The following ADARB2 variants were observed in gnomAD, a reference collection of about 807,000 sequenced individuals.
The protein encoded by ADARB2 is inactive double-stranded RNA-specific editase B2.
A neutral mutation model predicts 62.2 loss-of-function variants in ADARB2; 25 were observed. That is an observed-to-expected ratio of 0.40 (90% CI 0.29 to 0.56). The LOEUF is 0.56. ADARB2 is among the 20% of genes least tolerant of loss of function. The probability of loss-of-function intolerance (pLI) is 0.43; values close to 1 mark genes in which losing one functional copy is unlikely to be tolerated. For synonymous variants in ADARB2, 572 were observed against 500.8 expected, an observed-to-expected ratio of 1.14 and a Z score of -1.90; for missense variants, 1,071 against 1,077.4, an observed-to-expected ratio of 0.99 and a Z score of 0.08.
At chr10:1,483,091 T>C (rs565020556) in intron 1 of ADARB2, among the ~76,000 whole-genome samples, 2 of 152,226 alleles carry the variant, frequency 1.3e-5, no homozygotes, top group Non-Finnish European at 2.9e-5. Flanking sequence ...AATGTTCCTG[T>C]ACACTGTGTT....
At chr10:1,504,220 C>T (rs562998006) in intron 1 of ADARB2, among the ~76,000 whole-genome samples, 15 of 152,300 alleles carry the variant, frequency 9.8e-5, no homozygotes, top group African/African-American at 3.4e-4. Context: ...ACACGGAGCC[C>T]ATCGCTTCCA....
intron 1 of ADARB2, among the ~76,000 whole-genome samples, chr10:1,584,355 A>C (rs1203636199): frequency 1.9e-5 from 1 of 51,554 alleles, no homozygotes; most frequent in South Asian, 7.2e-4. Flanking sequence ...CCCGTATCAT[A>C]TGTCACTAGA....
chr10:1,707,341 C>T (rs1564200678), intron 1 of ADARB2, among the ~76,000 whole-genome samples: 6 of 152,246 alleles, frequency 3.9e-5, no homozygotes, highest in Admixed American at 2.0e-4. Flanking sequence ...GGCTTCAAAT[C>T]CTCATGCACC....
chr10:1,468,441 C>G (rs1024752761), intron 1 of ADARB2, among the ~76,000 whole-genome samples: 1 of 152,184 alleles, frequency 6.6e-6, no homozygotes, highest in African/African-American at 2.4e-5. Context: ...TAGTGTGGCC[C>G]AAGATGCGCT....
In ADARB2 at chr10:1,179,995, G is replaced by A. The variant is rs188846984; in HGVS notation, c.*3198C>T. The A allele has an allele frequency of 6.6e-6, 1 of 152,114 alleles. No homozygotes were observed. Among genetic ancestry groups the A allele is most frequent in the Admixed American group, 6.5e-5 (1 of 15,302 alleles). The allele number at this position is 152,114 out of a possible 1,614,324, so 9.4% of individuals were successfully genotyped here. On this transcript the variant is annotated 3_prime_UTR_variant, in exon 10 of 10. Coordinates refer to ENST00000381312, the MANE Select transcript of ADARB2 (RefSeq NM_018702.4). ...GTGACCCGTCCCCTACTTGTGTCTT[G>A]CCCCCTCACTTGGAGGGGAATGGGT...
At chr10:1,509,119 G>C (rs1272437067) in intron 1 of ADARB2, among the ~76,000 whole-genome samples, 1 of 152,122 alleles carries the variant, frequency 6.6e-6, no homozygotes, top group East Asian at 1.9e-4. Context: ...CTTTCACTGC[G>C]TGCCATGCCC....
chr10:1,219,828 ATGG>A lies in ADARB2; in HGVS notation c.1514-2712_1514-2710del, dbSNP rs1397263727. On this transcript the variant is annotated intron_variant, in intron 6 of 9. Coordinates refer to ENST00000381312, the MANE Select transcript of ADARB2 (RefSeq NM_018702.4). Reference sequence around the variant, plus strand: ...AATGGTGATGATGGTGATGGTAATGATGGTGGTGATGATGATGGTGATGGTGAT... The same window carrying A: ...AATGGTGATGATGGTGATGGTAATGATGGTGATGATGATGGTGATGGTGAT... Among the ~76,000 whole-genome samples, 1,083 of 138,094 alleles carry A rather than the reference ATGG, an allele frequency of 7.8e-3. 22 individuals are homozygous for A. The highest frequency in any genetic ancestry group is 0.028 in the African/African-American group (1,025 of 36,896). 90.6% of individuals were successfully genotyped at this position (138,094 alleles called of 152,430 possible).
intron 3 of ADARB2, among the ~76,000 whole-genome samples, chr10:1,313,294 C>T (rs546733522): frequency 6.6e-6 from 1 of 152,312 alleles, no homozygotes; most frequent in African/African-American, 2.4e-5. Flanking sequence ...AAAGATGCCC[C>T]TTCCACCTGT....
At chr10:1,445,774 A>G (rs1830961807) in intron 1 of ADARB2, among the ~76,000 whole-genome samples, 1 of 152,262 alleles carries the variant, frequency 6.6e-6, no homozygotes, top group African/African-American at 2.4e-5. Flanking sequence ...TGGAGAGGCC[A>G]GGGAATGAGC....
intron 1 of ADARB2, among the ~76,000 whole-genome samples, chr10:1,693,250 C>T (rs1475616485): frequency 6.6e-6 from 1 of 152,158 alleles, no homozygotes; most frequent in Admixed American, 6.5e-5. Context: ...CTACTCAGCG[C>T]TTCATTTTCC....
chr10:1,420,615 A>G (rs1832844030), intron 1 of ADARB2, among the ~76,000 whole-genome samples: 2 of 147,154 alleles, frequency 1.4e-5, no homozygotes, highest in African/African-American at 5.1e-5. Flanking sequence ...AAAGAGGGAA[A>G]AAAAAAAAAA....
At chr10:1,629,087 T>C (rs1208273892) in intron 1 of ADARB2, among the ~76,000 whole-genome samples, 2 of 152,232 alleles carry the variant, frequency 1.3e-5, no homozygotes, top group Non-Finnish European at 1.5e-5. Context: ...CTCAAGCTGT[T>C]CGCCAGGGTG....
chr10:1,227,374 C>T (rs1830757573), intron 6 of ADARB2, among the ~76,000 whole-genome samples: 1 of 152,204 alleles, frequency 6.6e-6, no homozygotes, highest in African/African-American at 2.4e-5. Context: ...CGATGCCTCG[C>T]CCTGTTTCAG....
At chr10:1,585,496 A>G (rs918824014) in intron 1 of ADARB2, among the ~76,000 whole-genome samples, 1 of 152,132 alleles carries the variant, frequency 6.6e-6, no homozygotes, top group Non-Finnish European at 1.5e-5. Context: ...AGACAAACAT[A>G]TATCTAATTG....
chr10:1,698,574 G>A (rs1834777995), intron 1 of ADARB2, among the ~76,000 whole-genome samples: 1 of 152,048 alleles, frequency 6.6e-6, no homozygotes, highest in Admixed American at 6.5e-5. Context: ...CACTGCAGCT[G>A]GGTATGAGAG....
chr10:1,620,130 T>G (rs1473879631), intron 1 of ADARB2, among the ~76,000 whole-genome samples: 1 of 151,992 alleles, frequency 6.6e-6, no homozygotes, highest in Admixed American at 6.6e-5. Context: ...CATGTGAATA[T>G]AGTAGAAAAA....
chr10:1,224,091 T>G (rs565026519), intron 6 of ADARB2, among the ~76,000 whole-genome samples: 2 of 152,330 alleles, frequency 1.3e-5, no homozygotes, highest in African/African-American at 4.8e-5. Context: ...GATCATTGCC[T>G]CAATTTCAGA....
At chr10:1,557,184 T>G (rs1832716775) in intron 1 of ADARB2, among the ~76,000 whole-genome samples, 1 of 151,994 alleles carries the variant, frequency 6.6e-6, no homozygotes, top group Non-Finnish European at 1.5e-5. Context: ...TGCTCCCATC[T>G]TTACCCAGCC....
intron 3 of ADARB2, among the ~76,000 whole-genome samples, chr10:1,293,229 G>GAGA (rs1831491429): frequency 8.3e-6 from 1 of 119,812 alleles, no homozygotes; most frequent in African/African-American, 3.5e-5. Context: ...AGAGGGACGG[G>GAGA]GAGGGAGAGA....
Sources: allele counts gnomAD v4.1 joint callset (sites outside exome capture counted in the v4.1 genomes callset), GRCh38; gene constraint gnomAD v4.1.1; transcripts MANE v1.5; gene names NCBI Gene and HGNC (gene_info 2026-07-23, HGNC 2026-07-21).